The following RFX6 variants were observed in gnomAD, a reference collection of about 807,000 sequenced individuals.
The protein encoded by RFX6 is regulatory factor X6.
In RFX6, 50 loss-of-function variants were observed where a neutral mutation model predicts 110.8. That is an observed-to-expected ratio of 0.45 (90% CI 0.36 to 0.57). The LOEUF (loss-of-function observed/expected upper bound fraction) is 0.57. Ranked by LOEUF, RFX6 falls within the 20% of genes least tolerant of loss-of-function variation. The pLI is 0.00. For missense variants in RFX6, 990 were observed against 1,127.0 expected (o/e 0.88, Z 1.74); for synonymous variants, 383 against 411.2 (o/e 0.93, Z 0.83).
intron 2 of RFX6, among the ~76,000 whole-genome samples, chr6:116,879,575 T>A (rs761975829): frequency 3.8e-4 from 58 of 152,054 alleles, no homozygotes; most frequent in Non-Finnish European, 7.7e-4. Flanking sequence ...CACATTAGGA[T>A]ATTTTAAATC....
In RFX6 at chr6:116,927,372, G is replaced by T. The variant is rs774495117; in HGVS notation, c.2231G>T (p.Cys744Phe). 6.2e-7 allele frequency: 1 copy of T among 1,613,962 alleles called. No homozygotes were observed. The highest frequency in any genetic ancestry group is 1.7e-5 in the Admixed American group (1 of 60,020). The part of the protein sequence containing the change: ...QLSRDFFSGS[C>F]AGSPYNSRPP... ...TCAAGAGACTTCTTCAGTGGCAGCT[G>T]TGCGGGGTCTCCATATAACTCCCGG... The change falls in exon 17 of 19, where the codon TGT becomes TTT. Residue 744 changes from cysteine to phenylalanine, a missense_variant. By Grantham distance (205) the Cys-to-Phe change is radical. Coordinates refer to ENST00000332958, the MANE Select transcript of RFX6 (RefSeq NM_173560.4).
Position 116,925,535 on chromosome 6 carries a change from C to T in RFX6, c.1761C>T (p.Asp587=), listed in dbSNP as rs531536969. The change falls in exon 16 of 19, where the codon GAC becomes GAT. Residue 587 remains aspartate (D), a synonymous_variant. Coordinates refer to ENST00000332958, the MANE Select transcript of RFX6 (RefSeq NM_173560.4). The stretch of plus-strand genomic sequence containing the variant: ...ATAAAGGGAGCATGGTTTCCAGCGA[C>T]GCTGTGAAGAATGAAAGCCACGTGG... ...NRNKGSMVSS[D]AVKNESHVET... 3.0e-5 allele frequency: 48 copies of T among 1,614,016 alleles called. No homozygotes were observed. The highest frequency in any genetic ancestry group is 1.1e-4 in the East Asian group (5 of 44,872).
chr6:116,900,956 C>T (rs894870396), intron 6 of RFX6, among the ~76,000 whole-genome samples: 2 of 152,054 alleles, frequency 1.3e-5, no homozygotes, highest in Admixed American at 6.6e-5. Flanking sequence ...TACAATTTTT[C>T]GACTTTGTGA....
intron 4 of RFX6, among the ~76,000 whole-genome samples, chr6:116,885,388 T>C (rs1273524227): frequency 6.6e-6 from 1 of 152,172 alleles, no homozygotes; most frequent in African/African-American, 2.4e-5. Context: ...ATATAAAATA[T>C]CTGCACTACA....
At chr6:116,911,149 ATCAAACATAAT>A (rs1775340942) in intron 7 of RFX6, 107 bp downstream of exon 7, 1 of 787,988 alleles carries the variant, frequency 1.3e-6, no homozygotes, top group African/African-American at 1.7e-5. Flanking sequence ...AATCTGCATA[ATCAAACATAAT>A]TGACTGATTT....
chr6:116,916,805 T>A (rs917343512), intron 9 of RFX6, among the ~76,000 whole-genome samples: 10 of 152,084 alleles, frequency 6.6e-5, no homozygotes, highest in Non-Finnish European at 1.3e-4. Flanking sequence ...CTCGAAGACA[T>A]CCTAAATAAG....
chr6:116,923,321 C>T (rs746855885), intron 14 of RFX6, 97 bp downstream of exon 14: 15 of 769,788 alleles, frequency 1.9e-5, no homozygotes, highest in Non-Finnish European at 3.4e-5. Context: ...TACATCATCA[C>T]TTCTTAAACT....
At chr6:116,882,677 A>G (rs761194013) in intron 4 of RFX6, among the ~76,000 whole-genome samples, 12 of 152,274 alleles carry the variant, frequency 7.9e-5, no homozygotes, top group Middle Eastern at 6.8e-3. Context: ...TCATTTTCAT[A>G]ATCTTAAAGC....
intron 12 of RFX6, among the ~76,000 whole-genome samples, 157 bp downstream of exon 12, chr6:116,920,611 C>A (rs563581146): frequency 6.6e-6 from 1 of 152,012 alleles, no homozygotes; most frequent in South Asian, 2.1e-4. Context: ...GCAGCCTCCC[C>A]CAAGCTGAGA....
intron 6 of RFX6, among the ~76,000 whole-genome samples, chr6:116,895,914 A>G (rs919389350): frequency 6.6e-6 from 1 of 152,198 alleles, no homozygotes; most frequent in Non-Finnish European, 1.5e-5. Flanking sequence ...TAGTTTGGTG[A>G]AATGATGCAA....
At chr6:116,908,234 G>A (rs530095564) in intron 6 of RFX6, among the ~76,000 whole-genome samples, 1 of 151,796 alleles carries the variant, frequency 6.6e-6, no homozygotes, top group Non-Finnish European at 1.5e-5. Flanking sequence ...TCCCATATAC[G>A]AGTGAGAACA....
intron 6 of RFX6, among the ~76,000 whole-genome samples, chr6:116,908,128 A>G (rs1775247414): frequency 6.6e-6 from 1 of 152,060 alleles, no homozygotes; most frequent in African/African-American, 2.4e-5. Flanking sequence ...AATTACCATT[A>G]ATCAACTCCT....
chr6:116,918,000 G>A (rs774468468), intron 9 of RFX6, 37 bp from the exon 10 acceptor site: 15 of 1,436,090 alleles, frequency 1.0e-5, no homozygotes, highest in South Asian at 8.1e-5. Flanking sequence ...GAAATACTAA[G>A]TAAAGATTTG....
chr6:116,880,486 G>A, intron 2 of RFX6, 58 bp from the exon 3 acceptor site: 2 of 1,533,990 alleles, frequency 1.3e-6, no homozygotes, highest in Non-Finnish European at 1.8e-6. Flanking sequence ...AAGTCAATGA[G>A]AAAGTTGAAG....
At chr6:116,878,241 T>C (rs1453365464) in intron 2 of RFX6, among the ~76,000 whole-genome samples, 1 of 152,220 alleles carries the variant, frequency 6.6e-6, no homozygotes, top group Non-Finnish European at 1.5e-5. Flanking sequence ...TTTTATGACT[T>C]ACTGGCTTAA....
intron 12 of RFX6, among the ~76,000 whole-genome samples, chr6:116,921,221 C>G (rs899324198): frequency 2.6e-5 from 4 of 152,150 alleles, no homozygotes; most frequent in African/African-American, 9.7e-5. Flanking sequence ...AATAGGATTA[C>G]CTTTTGAGAT....
At chr6:116,896,463 C>T (rs938253994) in intron 6 of RFX6, among the ~76,000 whole-genome samples, 1 of 152,098 alleles carries the variant, frequency 6.6e-6, no homozygotes, top group East Asian at 1.9e-4. Context: ...CAGAACTACT[C>T]TAAATAAGTT....
chr6:116,916,383 G>A, intron 9 of RFX6, 69 bp downstream of exon 9: 1 of 950,028 alleles, frequency 1.1e-6, no homozygotes, highest in South Asian at 1.3e-5. Flanking sequence ...CTAAATTCTT[G>A]CAATATATTT....
At chr6:116,898,112 C>T (rs907627536) in intron 6 of RFX6, among the ~76,000 whole-genome samples, 1 of 152,076 alleles carries the variant, frequency 6.6e-6, no homozygotes, top group African/African-American at 2.4e-5. Context: ...AAAATGCTCC[C>T]TACAGAAGGG....
Sources: allele counts gnomAD v4.1 joint callset (sites outside exome capture counted in the v4.1 genomes callset), GRCh38; gene constraint gnomAD v4.1.1; transcripts MANE v1.5; gene names NCBI Gene and HGNC (gene_info 2026-07-23, HGNC 2026-07-21).